The following KCNMB2 variants were observed in gnomAD, a reference collection of about 807,000 sequenced individuals.
The protein encoded by KCNMB2 is calcium-activated potassium channel subunit beta-2.
In KCNMB2, 9 loss-of-function variants were observed where a neutral mutation model predicts 24.5. That is an observed-to-expected ratio of 0.37 (90% CI 0.22 to 0.64). The LOEUF is 0.64. Ranked by LOEUF, KCNMB2 falls within the 30% of genes least tolerant of loss-of-function variation. KCNMB2 has a pLI of 0.63. For missense variants in KCNMB2, 226 were observed against 284.3 expected (o/e 0.79, Z 1.47); for synonymous variants, 109 against 104.4 (o/e 1.04, Z -0.27).
intron 1 of KCNMB2, among the ~76,000 whole-genome samples, chr3:178,544,197 A>G (rs965738869): frequency 2.6e-5 from 4 of 152,210 alleles, no homozygotes; most frequent in Non-Finnish European, 2.9e-5. Context: ...TCAGAAATAC[A>G]GTGCTGCAGG....
intron 1 of KCNMB2, among the ~76,000 whole-genome samples, chr3:178,748,733 C>A (rs932640929): frequency 6.6e-6 from 1 of 151,984 alleles, no homozygotes; most frequent in African/African-American, 2.4e-5. Context: ...ATTGAGAACC[C>A]CGCTATTGAA....
intron 2 of KCNMB2, among the ~76,000 whole-genome samples, chr3:178,819,113 T>C (rs1199059475): frequency 6.6e-6 from 1 of 152,220 alleles, no homozygotes; most frequent in Non-Finnish European, 1.5e-5. Context: ...CGGTTTTTAA[T>C]TCCTGACATT....
intron 4 of KCNMB2, among the ~76,000 whole-genome samples, chr3:178,829,546 AAAT>A (rs1714976582): frequency 6.6e-6 from 1 of 152,204 alleles, no homozygotes; most frequent in African/African-American, 2.4e-5. Flanking sequence ...TAGTAGCCAC[AAAT>A]AATACCAGTC....
intron 1 of KCNMB2, among the ~76,000 whole-genome samples, chr3:178,753,587 A>G (rs7372136): frequency 0.14 from 21,271 of 152,184 alleles, 1,839 homozygotes; most frequent in Non-Finnish European, 0.18. Context: ...TTATCAAAAA[A>G]AAGAGTTTCT....
intron 1 of KCNMB2, among the ~76,000 whole-genome samples, chr3:178,666,184 T>C (rs1258219061): frequency 6.6e-6 from 1 of 152,102 alleles, no homozygotes; most frequent in Non-Finnish European, 1.5e-5. Flanking sequence ...ACCAGCATGG[T>C]TCACTGAGAA....
chr3:178,771,213 A>C (rs1712335944), intron 1 of KCNMB2, among the ~76,000 whole-genome samples: 1 of 152,110 alleles, frequency 6.6e-6, no homozygotes, highest in Non-Finnish European at 1.5e-5. Context: ...CTACTGCTCC[A>C]CAAGCCCATC....
chr3:178,603,507 A>C (rs1285290298), intron 1 of KCNMB2, among the ~76,000 whole-genome samples: 1 of 151,642 alleles, frequency 6.6e-6, no homozygotes, highest in Non-Finnish European at 1.5e-5. Flanking sequence ...AGGAAGGAAA[A>C]AAGGAAGACC....
intron 1 of KCNMB2, among the ~76,000 whole-genome samples, chr3:178,733,094 G>C (rs1176178022): frequency 6.6e-6 from 1 of 152,206 alleles, no homozygotes; most frequent in African/African-American, 2.4e-5. Context: ...CATAAAAATA[G>C]AGTAGATAAA....
chr3:178,759,723 TATA>T lies in KCNMB2; in HGVS notation c.-67-47619_-67-47617del, dbSNP rs1260973801. ...ACATATATATATCCAAGAGGATATA[TATA>T]CACATATATATATCCAAGAGGATAT... On this transcript the variant is annotated intron_variant, in intron 1 of 4. Coordinates refer to ENST00000452583, the MANE Select transcript of KCNMB2 (RefSeq NM_181361.3). Among the ~76,000 whole-genome samples, 272 of 83,822 alleles carry T rather than the reference TATA, an allele frequency of 3.2e-3. 29 individuals carry two copies. The highest frequency in any genetic ancestry group is 5.6e-3 in the Non-Finnish European group (235 of 42,300). The allele number at this position is 83,822 out of a possible 152,430, so 55.0% of individuals were successfully genotyped here. A position where few individuals can be genotyped will look rare whatever the true frequency, so the allele number is the denominator to read the frequency against.
chr3:178,682,966 A>G (rs540215592), intron 1 of KCNMB2, among the ~76,000 whole-genome samples: 99 of 152,270 alleles, frequency 6.5e-4, no homozygotes, highest in African/African-American at 2.2e-3. Context: ...TGATCTCATT[A>G]TCAACACAGT....
At chr3:178,765,574 C>A (rs1235157715) in intron 1 of KCNMB2, among the ~76,000 whole-genome samples, 2 of 152,144 alleles carry the variant, frequency 1.3e-5, no homozygotes, top group Non-Finnish European at 2.9e-5. Flanking sequence ...ACGTTCTCAG[C>A]AAATGCCTAA....
intron 1 of KCNMB2, among the ~76,000 whole-genome samples, chr3:178,757,527 C>A: frequency 1.6e-4 from 5 of 31,056 alleles, no homozygotes; most frequent in Non-Finnish European, 2.8e-4. Context: ...TATATATATC[C>A]AAGAGGATAT....
At chr3:178,813,948 CGTT>C (rs201495357) in intron 2 of KCNMB2, among the ~76,000 whole-genome samples, 1,615 of 149,572 alleles carry the variant, frequency 0.011, 17 homozygotes, top group Non-Finnish European at 0.014. Flanking sequence ...AACTTCACTA[CGTT>C]GTTGTTGTTG....
chr3:178,751,946 C>T (rs1363206632), intron 1 of KCNMB2, among the ~76,000 whole-genome samples: 1 of 152,166 alleles, frequency 6.6e-6, no homozygotes, highest in Non-Finnish European at 1.5e-5. Context: ...TCCTTTTGGC[C>T]ACCTGCCCAA....
chr3:178,752,257 A>G (rs1469541141), intron 1 of KCNMB2, among the ~76,000 whole-genome samples: 2 of 152,240 alleles, frequency 1.3e-5, no homozygotes, highest in Non-Finnish European at 2.9e-5. Context: ...TAGGAATAGC[A>G]ATGAATTTTA....
chr3:178,635,408 T>TACACACACACACACACACACACAC (rs58294929), intron 1 of KCNMB2, among the ~76,000 whole-genome samples: 3 of 144,878 alleles, frequency 2.1e-5, no homozygotes, highest in African/African-American at 7.7e-5. Flanking sequence ...TGCTTATGCA[T>TACACACACACACACACACACACAC]ACACACACAC....
chr3:178,592,897 C>T (rs373018302), intron 1 of KCNMB2, among the ~76,000 whole-genome samples: 4 of 151,936 alleles, frequency 2.6e-5, no homozygotes, highest in African/African-American at 4.8e-5. Context: ...TTTCTTTTTT[C>T]GTGTGACTCT....
At chr3:178,684,780 G>A (rs957021038) in intron 1 of KCNMB2, among the ~76,000 whole-genome samples, 15 of 152,108 alleles carry the variant, frequency 9.9e-5, no homozygotes, top group Non-Finnish European at 1.8e-4. Context: ...GCGGTGAGCC[G>A]AGATCGCGCC....
At chr3:178,826,498 T>C (rs4608671) in intron 3 of KCNMB2, among the ~76,000 whole-genome samples, 98,560 of 152,058 alleles carry the variant, frequency 0.65, 33,787 homozygotes, top group African/African-American at 0.87. Context: ...AATTGTGGGA[T>C]AGCAAGTGTA....
Sources: gnomAD v4.1 joint callset for allele counts (sites outside exome capture counted in the v4.1 genomes callset) on GRCh38, gnomAD v4.1.1 for gene constraint, MANE v1.5 for transcripts, NCBI Gene and HGNC (gene_info 2026-07-23, HGNC 2026-07-21) for gene names.